The following TIA1 variants were observed in gnomAD, a reference collection of about 807,000 sequenced individuals.
TIA1 encodes the protein TIA1 cytotoxic granule associated RNA binding protein.
TIA1 carries 23 observed loss-of-function variants against 65.9 expected under a neutral mutation model. The observed-to-expected ratio is 0.35, with a 90% confidence interval of 0.25 to 0.49. The LOEUF is 0.49. TIA1 is among the 20% of genes least tolerant of loss of function. The pLI is 0.98. For synonymous variants in TIA1, 147 were observed against 149.4 expected, an observed-to-expected ratio of 0.98 and a Z score of 0.12; for missense variants, 371 against 477.9, an observed-to-expected ratio of 0.78 and a Z score of 2.09.
intron 7 of TIA1, 50 bp from the exon 8 acceptor site, chr2:70,217,044 T>C: frequency 6.5e-7 from 1 of 1,545,136 alleles, no homozygotes; most frequent in Non-Finnish European, 8.7e-7. Context: ...TTAGTTGATG[T>C]TAAACAACTC....
intron 1 of TIA1, among the ~76,000 whole-genome samples, chr2:70,240,660 G>A: frequency 6.6e-6 from 1 of 152,156 alleles, no homozygotes; most frequent in East Asian, 1.9e-4. Context: ...CTTGAGACCA[G>A]GAGTTAGAGA....
At position 70,227,725 on chromosome 2, in the gene TIA1, T is replaced by C. The variant is rs372161184; in HGVS notation, c.398+10A>G. 2.5e-5 allele frequency: 38 copies of C among 1,549,362 alleles called. No individual in the cohort carries two copies. In the African/African-American group the frequency reaches 3.5e-4, roughly 14 times the overall value. ...AATTAAAAGGATTTTATTTATCTTCTGTTACTTACGATATTCTTCCAAATG... is the reference window on the plus strand; with the variant it reads ...AATTAAAAGGATTTTATTTATCTTCCGTTACTTACGATATTCTTCCAAATG... On this transcript the variant is annotated intron_variant, in intron 6 of 12. Coordinates refer to ENST00000433529, the MANE Select transcript of TIA1 (RefSeq NM_022173.4).
chr2:70,242,695 T>A (rs748668758), intron 1 of TIA1, among the ~76,000 whole-genome samples: 1 of 152,072 alleles, frequency 6.6e-6, no homozygotes, highest in African/African-American at 2.4e-5. Context: ...CATGGCCTGT[T>A]AGGAACTGGG....
chr2:70,248,767 A>T (rs933250088), upstream of TIA1: 2 of 390,918 alleles, frequency 5.1e-6, no homozygotes, highest in African/African-American at 4.1e-5. Context: ...CTTCCACCCG[A>T]CGCGAGGGAC....
intron 1 of TIA1, among the ~76,000 whole-genome samples, chr2:70,238,068 G>A (rs1689861121): frequency 6.6e-6 from 1 of 150,974 alleles, no homozygotes; most frequent in African/African-American, 2.4e-5. Flanking sequence ...GGCTGAGGCA[G>A]GAGAACGGCG....
rs530667590 is a variant in TIA1 at position 70,220,304 on chromosome 2, G to C, written c.475-3310C>G. On this transcript the variant is annotated intron_variant, in intron 7 of 12. Transcript: ENST00000433529. The stretch of plus-strand genomic sequence containing the variant: ...AACACCTGTAGTCCCAGCTACTTAG[G>C]AGGTTGTGATGGAAAGATCACCTAA... Among the ~76,000 whole-genome samples, 92 of 152,220 alleles carry C rather than the reference G, an allele frequency of 6.0e-4. 1 individual carries two copies. The highest frequency in any genetic ancestry group is 2.1e-3 in the African/African-American group (89 of 41,540).
At chr2:70,233,794 T>C (rs542331278) in intron 2 of TIA1, among the ~76,000 whole-genome samples, 1 of 151,928 alleles carries the variant, frequency 6.6e-6, no homozygotes, top group African/African-American at 2.4e-5. Flanking sequence ...GTCACTTGCA[T>C]TTAAGAGTAA....
chr2:70,227,852 A>G (rs767622237), intron 5 of TIA1, 30 bp from the exon 6 acceptor site: 8 of 1,455,282 alleles, frequency 5.5e-6, no homozygotes, highest in Non-Finnish European at 7.6e-6. Flanking sequence ...GGAAGTGAAA[A>G]GAAAAATAGA....
chr2:70,235,412 T>C (rs780488158), intron 2 of TIA1, among the ~76,000 whole-genome samples: 5 of 151,972 alleles, frequency 3.3e-5, no homozygotes, highest in Non-Finnish European at 5.9e-5. Flanking sequence ...CAAAACTCCG[T>C]CTCAAAAAAA....
rs372889101 is a variant in TIA1, at chr2:70,212,817, C to T, written c.1063G>A (p.Gly355Arg). The change falls in exon 13 of 13, where the codon GGA becomes AGA. Residue 355 changes from glycine to arginine, a missense_variant. Physicochemically the swap from Gly to Arg is moderately radical, Grantham distance 125. Coordinates refer to ENST00000433529, the MANE Select transcript of TIA1 (RefSeq NM_022173.4). ...NQTQSSAPWM[G>R]PNYGVQPPQG... Reference sequence around the variant, plus strand: ...GGCGGTTGCACTCCATAATTTGGTCCCATCCATGGTGCAGAAGACTGTGTC... The same window carrying T: ...GGCGGTTGCACTCCATAATTTGGTCTCATCCATGGTGCAGAAGACTGTGTC... The T allele has an allele frequency of 2.9e-5, 46 of 1,613,866 alleles. No individual in the cohort carries two copies. The highest frequency in any genetic ancestry group is 3.8e-5 in the Non-Finnish European group (45 of 1,179,958).
chr2:70,243,183 T>C (rs1404969534), intron 1 of TIA1, among the ~76,000 whole-genome samples: 3 of 152,094 alleles, frequency 2.0e-5, no homozygotes, highest in Non-Finnish European at 1.5e-5. Context: ...AATCCCACTT[T>C]GGGAGGCTAA....
intron 6 of TIA1, chr2:70,225,269 G>T: frequency 8.2e-7 from 1 of 1,222,096 alleles, no homozygotes; most frequent in Non-Finnish European, 1.0e-6. Context: ...AAATTGATTG[G>T]AACTACAAGA....
At chr2:70,233,264 C>T (rs17005420) in intron 2 of TIA1, among the ~76,000 whole-genome samples, 12,788 of 151,956 alleles carry the variant, frequency 0.084, 568 homozygotes, top group East Asian at 0.18. Context: ...AGTCACTGTG[C>T]ACATCAACAA....
intron 5 of TIA1, chr2:70,228,236 G>A (rs963344509): frequency 1.2e-6 from 1 of 850,098 alleles, no homozygotes; most frequent in African/African-American, 1.9e-5. Context: ...TAGTGGTACT[G>A]TGAATTATGT....
rs1326955641 is a variant in TIA1, at chr2:70,212,326, T to C, written c.*393A>G. On this transcript the variant is annotated 3_prime_UTR_variant, in exon 13 of 13. Coordinates refer to ENST00000433529, the MANE Select transcript of TIA1 (RefSeq NM_022173.4). ...CTCTGCACAGTTTTGGTTTTTTTTTTTAACATCTTTATATTACATGTTTTA... is the reference window on the plus strand; with the variant it reads ...CTCTGCACAGTTTTGGTTTTTTTTTCTAACATCTTTATATTACATGTTTTA... 6.1e-6 allele frequency: 1 copy of C among 163,382 alleles called. No individual in the cohort carries two copies. 10.1% of individuals were successfully genotyped at this position (163,382 alleles called of 1,614,324 possible).
At chr2:70,214,930 T>C (rs1176249266) in intron 11 of TIA1, among the ~76,000 whole-genome samples, 2 of 152,268 alleles carry the variant, frequency 1.3e-5, no homozygotes, top group South Asian at 2.1e-4. Context: ...AGTTTCCTCA[T>C]AGAAATCTTT....
At position 70,210,663 on chromosome 2, in the gene TIA1, G is replaced by A. The variant is rs1195729533; in HGVS notation, c.*2056C>T. 1 of 152,078 alleles carries A rather than the reference G, an allele frequency of 6.6e-6. No homozygotes were observed. Among genetic ancestry groups the A allele is most frequent in the Non-Finnish European group, 1.5e-5 (1 of 68,014 alleles). 9.4% of individuals were successfully genotyped at this position (152,078 alleles called of 1,614,324 possible). ...ACCCTGCAGTCCATGAGATGCACAG[G>A]AAATAATTTTTTTTAATAAGAGAAC... On this transcript the variant is annotated 3_prime_UTR_variant, in exon 13 of 13. Coordinates refer to ENST00000433529, the MANE Select transcript of TIA1 (RefSeq NM_022173.4).
intron 7 of TIA1, among the ~76,000 whole-genome samples, chr2:70,218,090 A>T (rs2103993427): frequency 6.6e-6 from 1 of 152,310 alleles, no homozygotes; most frequent in East Asian, 1.9e-4. Context: ...CAAATAAAGC[A>T]ATTACATATT....
intron 1 of TIA1, among the ~76,000 whole-genome samples, chr2:70,244,395 C>T (rs993906985): frequency 6.6e-6 from 1 of 152,106 alleles, no homozygotes; most frequent in Non-Finnish European, 1.5e-5. Context: ...CTACCATATC[C>T]CCAGTTCCCA....
Sources: gnomAD v4.1 joint callset for allele counts (sites outside exome capture counted in the v4.1 genomes callset) on GRCh38, gnomAD v4.1.1 for gene constraint, MANE v1.5 for transcripts, NCBI Gene and HGNC (gene_info 2026-07-23, HGNC 2026-07-21) for gene names.